Variants in CNST observed in about 807,000 individuals in gnomAD.
CNST encodes the protein consortin.
Under a neutral mutation model 72.4 loss-of-function variants are expected in CNST, and 39 were observed. The observed-to-expected ratio is 0.54, with a 90% CI of 0.42 to 0.70. CNST has a LOEUF of 0.70. Among genes scored for constraint, CNST ranks in the 30% least tolerant of loss-of-function variants. CNST has a pLI of 0.00. For missense variants in CNST, 871 were observed against 868.5 expected (o/e 1.00, Z -0.04); for synonymous variants, 332 against 320.1 (o/e 1.04, Z -0.40).
intron 2 of CNST, among the ~76,000 whole-genome samples, chr1:246,614,129 T>C (rs1176074031): frequency 6.6e-6 from 1 of 152,186 alleles, no homozygotes; most frequent in East Asian, 1.9e-4. Context: ...TTTCAGGTTT[T>C]TTTTTGATTA....
Position 246,635,903 on chromosome 1 carries a change from C to T in CNST, c.818+1316C>T, listed in dbSNP as rs76700117. On this transcript the variant is annotated intron_variant, in intron 6 of 10. Transcript: ENST00000366513. ...CTCTGGTTATCATACGCAGGGACTC[C>T]GAGGGTGTTGCCCGCCTGCTTTGGA... 4.1e-3 allele frequency among the ~76,000 whole-genome samples: 630 copies of T among 152,180 alleles called. 9 individuals carry two copies. In the East Asian group the frequency reaches 0.042, roughly 10 times the overall value.
intron 1 of CNST, among the ~76,000 whole-genome samples, chr1:246,573,201 G>A (rs927525515): frequency 6.6e-6 from 1 of 152,150 alleles, no homozygotes; most frequent in Non-Finnish European, 1.5e-5. Flanking sequence ...ATTTTGTTGT[G>A]GAGTTCTTCG....
intron 2 of CNST, among the ~76,000 whole-genome samples, chr1:246,618,846 G>A (rs1663865666): frequency 1.3e-5 from 2 of 152,176 alleles, no homozygotes; most frequent in African/African-American, 4.8e-5. Flanking sequence ...CCACGATGCA[G>A]GTTGCCGATT....
intron 1 of CNST, among the ~76,000 whole-genome samples, chr1:246,578,730 T>C (rs1294983252): frequency 1.3e-5 from 2 of 152,184 alleles, no homozygotes; most frequent in Non-Finnish European, 2.9e-5. Context: ...AATAGTATTA[T>C]TACAATTTCT....
Position 246,648,034 on chromosome 1 carries a change from A to C in CNST, c.1833A>C (p.Ala611=). 6.2e-7 allele frequency: 1 copy of C among 1,603,772 alleles called. No homozygotes were observed. The highest frequency in any genetic ancestry group is 8.5e-7 in the Non-Finnish European group (1 of 1,175,784). Residue 611 remains alanine (A), a synonymous_variant, in exon 9 of 11, where the codon GCA becomes GCC. Coordinates refer to ENST00000366513, the MANE Select transcript of CNST (RefSeq NM_152609.3). ...LDDLAKRIEI[A]EVVPTEGLVS... is the part of the protein sequence containing the mutation. ...ATCTTGCCAAAAGGATAGAGATTGC[A>C]GAGGTAAATCAGAGATGAAGTACAA... is the stretch of plus-strand genomic sequence containing the variant.
At position 246,668,582 on chromosome 1, in the gene CNST, A is replaced by G. The variant is rs988456789; in HGVS notation, c.*2677A>G. Reference sequence around the variant, plus strand: ...TTTAAAAATAAAAATCTTCTGGAGGATTTAAGATTTGAAGGGGGCCTTATT... The same window carrying G: ...TTTAAAAATAAAAATCTTCTGGAGGGTTTAAGATTTGAAGGGGGCCTTATT... On this transcript the variant is annotated 3_prime_UTR_variant, in exon 11 of 11. Coordinates refer to ENST00000366513, the MANE Select transcript of CNST (RefSeq NM_152609.3). The G allele has an allele frequency of 2.6e-5, 4 of 152,118 alleles. No individual in the cohort carries two copies. The highest frequency in any genetic ancestry group is 9.7e-5 in the African/African-American group (4 of 41,424). 9.4% of individuals were successfully genotyped at this position (152,118 alleles called of 1,614,324 possible). A position where few individuals can be genotyped will look rare whatever the true frequency, so the allele number is the denominator to read the frequency against.
intron 8 of CNST, among the ~76,000 whole-genome samples, chr1:246,643,481 C>A (rs1447743825): frequency 6.6e-6 from 1 of 152,208 alleles, no homozygotes; most frequent in Non-Finnish European, 1.5e-5. Context: ...TTGAGACTTA[C>A]TTAGCATGGT....
chr1:246,601,270 A>T (rs939224233), intron 2 of CNST, among the ~76,000 whole-genome samples: 1 of 152,108 alleles, frequency 6.6e-6, no homozygotes, highest in African/African-American at 2.4e-5. Flanking sequence ...ACGCCACTGC[A>T]CTCCATCCTG....
intron 1 of CNST, among the ~76,000 whole-genome samples, chr1:246,574,591 T>C (rs1331170773): frequency 6.6e-6 from 1 of 152,034 alleles, no homozygotes; most frequent in African/African-American, 2.4e-5. Context: ...ATTTTTTTTT[T>C]TTAACTTTTT....
At chr1:246,633,812 T>C in intron 4 of CNST, 112 bp from the exon 5 acceptor site, 1 of 647,280 alleles carries the variant, frequency 1.5e-6, no homozygotes, top group East Asian at 2.6e-5. Flanking sequence ...TTTAGAGTCC[T>C]CTCATGTTTT....
intron 1 of CNST, among the ~76,000 whole-genome samples, chr1:246,574,194 A>G (rs1041278783): frequency 6.6e-6 from 1 of 151,984 alleles, no homozygotes. Flanking sequence ...GGCACCCGCC[A>G]CCGCGCCCGG....
intron 1 of CNST, among the ~76,000 whole-genome samples, chr1:246,567,034 T>C (rs927051778): frequency 1.6e-4 from 23 of 144,030 alleles, no homozygotes; most frequent in East Asian, 6.6e-4. Context: ...GGTTTTCATT[T>C]CCCCCCCACA....
chr1:246,645,462 C>G (rs1558585669), intron 8 of CNST, among the ~76,000 whole-genome samples: 2 of 131,830 alleles, frequency 1.5e-5, no homozygotes, highest in Non-Finnish European at 3.1e-5. Context: ...GAGTCTCGCT[C>G]TGTCGCCCAG....
chr1:246,611,615 C>A (rs10754530), intron 2 of CNST, among the ~76,000 whole-genome samples: 68,629 of 152,012 alleles, frequency 0.45, 17,144 homozygotes, highest in Non-Finnish European at 0.56. Flanking sequence ...TGGAAAAAAA[C>A]CAGCACAGAT....
chr1:246,642,132 GGTTTTTTTTTT>G, intron 8 of CNST, 95 bp downstream of exon 8: 2 of 196,962 alleles, frequency 1.0e-5, no homozygotes, highest in East Asian at 1.8e-4. Context: ...CAAAGGATCT[GGTTTTTTTTTT>G]TTTTTTTTTT....
At chr1:246,575,852 T>C (rs1660368502) in intron 1 of CNST, among the ~76,000 whole-genome samples, 1 of 152,194 alleles carries the variant, frequency 6.6e-6, no homozygotes, top group South Asian at 2.1e-4. Context: ...AAAAATTCCC[T>C]ATTTTTATTT....
intron 2 of CNST, among the ~76,000 whole-genome samples, chr1:246,601,725 C>T (rs567036691): frequency 5.5e-4 from 84 of 152,134 alleles, no homozygotes; most frequent in African/African-American, 1.9e-3. Context: ...ACCTGGGAGG[C>T]GGAGGTTGCA....
intron 2 of CNST, among the ~76,000 whole-genome samples, chr1:246,596,635 C>T (rs1389566132): frequency 6.6e-6 from 1 of 152,134 alleles, no homozygotes; most frequent in Admixed American, 6.6e-5. Context: ...TTTTGGTATA[C>T]TCACAGGGAT....
rs775847056 is a variant in CNST, at chr1:246,641,763, A to T, written c.833A>T (p.Lys278Ile). The change falls in exon 7 of 11, where the codon AAA becomes ATA. Residue 278 changes from lysine (K) to isoleucine (I), a missense_variant. Coordinates refer to ENST00000366513, the MANE Select transcript of CNST (RefSeq NM_152609.3). ...TTTTCCTACAGTCCTCTTTTATCCA[A>T]ACATAAGGTAAGAGATTGTTTCTTT... ...CATHQDPLLS[K>I]HKIAAVEKSQ... is the part of the protein sequence containing the mutation. 2.9e-6 allele frequency: 4 copies of T among 1,357,900 alleles called. No homozygotes were observed. Among genetic ancestry groups the T allele is most frequent in the Non-Finnish European group, 4.2e-6 (4 of 958,600 alleles). 84.1% of individuals were successfully genotyped at this position (1,357,900 alleles called of 1,614,324 possible).
Sources: allele counts gnomAD v4.1 joint callset (sites outside exome capture counted in the v4.1 genomes callset), GRCh38; gene constraint gnomAD v4.1.1; transcripts MANE v1.5; gene names NCBI Gene and HGNC (gene_info 2026-07-23, HGNC 2026-07-21).